PCDHA3: variants seen among roughly 807,000 people sequenced by gnomAD.
The protein encoded by PCDHA3 is protocadherin alpha 3, also known as protocadherin alpha-3.
A neutral mutation model predicts 62.2 loss-of-function variants in PCDHA3; 41 were observed. The ratio of observed to expected loss-of-function variants is 0.66; its 90% CI spans 0.51 to 0.86. PCDHA3 has a LOEUF of 0.86. Among genes scored for constraint, PCDHA3 ranks in the 40% least tolerant of loss-of-function variants. PCDHA3 has a pLI of 0.00. For missense variants in PCDHA3, 1,304 were observed against 1,241.2 expected, an observed-to-expected ratio of 1.05 and a Z score of -0.76; for synonymous variants, 640 against 555.4, an observed-to-expected ratio of 1.15 and a Z score of -2.14.
intron 1 of PCDHA3, among the ~76,000 whole-genome samples, chr5:140,936,053 C>T (rs576745037): frequency 1.2e-4 from 18 of 152,052 alleles, no homozygotes; most frequent in Middle Eastern, 3.4e-3. Flanking sequence ...CCACCACACC[C>T]GGCTAATTTT....
intron 1 of PCDHA3, chr5:140,858,119 C>T (rs1444406371): frequency 4.4e-6 from 7 of 1,597,808 alleles, no homozygotes; most frequent in South Asian, 1.1e-5. Flanking sequence ...CGAGGTGGCC[C>T]TGGTGGATGT....
rs2150119799 is a variant in PCDHA3 at position 140,822,853 on chromosome 5, G to A, written c.2394+19262G>A. Reference sequence around the variant, plus strand: ...AACCACCCTTTTCCTGCCTGTCAAAGAGGACGCTCCACTCAGCACGGTCAT... The same window carrying A: ...AACCACCCTTTTCCTGCCTGTCAAAAAGGACGCTCCACTCAGCACGGTCAT... On this transcript the variant is annotated intron_variant, in intron 1 of 3. Transcript: ENST00000522353. 68 of 1,614,082 alleles carry A rather than the reference G, an allele frequency of 4.2e-5. No individual in the cohort carries two copies. Among genetic ancestry groups the A allele is most frequent in the East Asian group, 1.6e-4 (7 of 44,900 alleles).
intron 1 of PCDHA3, chr5:140,824,185 C>A: frequency 6.2e-7 from 1 of 1,603,316 alleles, no homozygotes; most frequent in Non-Finnish European, 8.5e-7. Flanking sequence ...TATTAAATGT[C>A]ACATTCACCC....
At position 140,827,965 on chromosome 5, in the gene PCDHA3, T is replaced by C. The variant is rs2150149938; in HGVS notation, c.2394+24374T>C. ...CCAACATTCAAATTTCTTCTATTAC[T>C]GCATCATTCCCTGACTGTTGAATGA... On this transcript the variant is annotated intron_variant, in intron 1 of 3. Coordinates refer to ENST00000522353, the MANE Select transcript of PCDHA3 (RefSeq NM_018906.3). 6.1e-4 allele frequency: 813 copies of C among 1,335,936 alleles called. 3 individuals carry two copies. The highest frequency in any genetic ancestry group is 2.5e-3 in the South Asian group (173 of 69,782). 82.8% of individuals were successfully genotyped at this position (1,335,936 alleles called of 1,614,324 possible).
At chr5:140,928,555 A>T in intron 1 of PCDHA3, 1 of 1,614,240 alleles carries the variant, frequency 6.2e-7, no homozygotes, top group South Asian at 1.1e-5. Flanking sequence ...TTATCCGGTT[A>T]TCTTGTTTCC....
rs549755742 is a variant in PCDHA3 at position 140,943,684 on chromosome 5, T to C, written c.2395-35265T>C. ...ATGTATAAAGTGTGAAAAAAAGGGA[T>C]AAGGTCAAAATATTGTGGAACACAT... On this transcript the variant is annotated intron_variant, in intron 1 of 3. Transcript: ENST00000522353. Among the ~76,000 whole-genome samples, 254 of 152,102 alleles carry C rather than the reference T, an allele frequency of 1.7e-3. 2 individuals carry two copies. The highest frequency in any genetic ancestry group is 2.9e-4 in the Non-Finnish European group (20 of 67,984).
intron 1 of PCDHA3, chr5:140,882,600 A>G: frequency 6.2e-7 from 1 of 1,614,252 alleles, no homozygotes; most frequent in East Asian, 2.2e-5. Context: ...GTGATCGTGG[A>G]CAGGCCTCTG....
At chr5:140,857,787 T>C in intron 1 of PCDHA3, 1 of 1,597,564 alleles carries the variant, frequency 6.3e-7, no homozygotes, top group Non-Finnish European at 8.6e-7. Flanking sequence ...AGTGAGCTGG[T>C]GCTGCGGTCG....
intron 1 of PCDHA3, among the ~76,000 whole-genome samples, chr5:140,964,997 T>C (rs144251011): frequency 3.9e-5 from 6 of 152,316 alleles, no homozygotes; most frequent in African/African-American, 1.4e-4. Context: ...CTTTGAATTC[T>C]GGGTGTCAGG....
At position 140,882,742 on chromosome 5, in the gene PCDHA3, C is replaced by G. The variant is rs372229324; in HGVS notation, c.2394+79151C>G. Reference sequence around the variant, plus strand: ...CTCGATTTCCACTAGATGGCGCATCCGATGCAGATATTGGAGTAAACTCGG... The same window carrying G: ...CTCGATTTCCACTAGATGGCGCATCGGATGCAGATATTGGAGTAAACTCGG... On this transcript the variant is annotated intron_variant, in intron 1 of 3. Coordinates refer to ENST00000522353, the MANE Select transcript of PCDHA3 (RefSeq NM_018906.3). 126 of 1,614,092 alleles carry G rather than the reference C, an allele frequency of 7.8e-5. 1 individual carries two copies. The Middle Eastern group carries it at 1.6e-3, about 21-fold the overall frequency.
chr5:140,801,959 T>G lies in PCDHA3; in HGVS notation c.762T>G (p.Asn254Lys), dbSNP rs1554121786. 3 of 1,614,172 alleles carry G rather than the reference T, an allele frequency of 1.9e-6. No homozygotes were observed. In the South Asian group the frequency reaches 3.3e-5, roughly 18 times the overall value. Residue 254 changes from asparagine to lysine, a missense_variant, in exon 1 of 4, where the codon AAT becomes AAG. By Grantham distance (94) the Asn-to-Lys change is moderately conservative. Coordinates refer to ENST00000522353, the MANE Select transcript of PCDHA3 (RefSeq NM_018906.3). ...RTIYKVRLLE[N>K]APNGTLVVTV... ...TCTATAAAGTCAGATTACTCGAAAA[T>G]GCACCAAATGGTACCCTAGTGGTGA...
chr5:140,836,613 G>T (rs2150265622), intron 1 of PCDHA3: 1 of 1,613,634 alleles, frequency 6.2e-7, no homozygotes, highest in Non-Finnish European at 8.5e-7. Flanking sequence ...GTGCTCCAGC[G>T]CGGTGGGGAG....
intron 1 of PCDHA3, among the ~76,000 whole-genome samples, chr5:140,941,768 T>C (rs576405772): frequency 2.6e-5 from 4 of 152,254 alleles, no homozygotes; most frequent in Non-Finnish European, 5.9e-5. Context: ...TTTAAGATAA[T>C]TGTTTTAATG....
intron 1 of PCDHA3, chr5:140,841,712 C>T (rs1444200684): frequency 9.9e-6 from 16 of 1,613,754 alleles, no homozygotes; most frequent in Non-Finnish European, 1.4e-5. Flanking sequence ...TGACAACCCG[C>T]CAGTGTTCCG....
At chr5:140,850,796 C>T (rs1344673921) in intron 1 of PCDHA3, 7 of 1,598,190 alleles carry the variant, frequency 4.4e-6, no homozygotes, top group African/African-American at 1.3e-5. Context: ...AGCAGAAGAC[C>T]GACCTCATGG....
At chr5:140,940,593 A>G (rs2092648765) in intron 1 of PCDHA3, among the ~76,000 whole-genome samples, 1 of 152,170 alleles carries the variant, frequency 6.6e-6, no homozygotes, top group Non-Finnish European at 1.5e-5. Flanking sequence ...GATTTCAGGC[A>G]TGAGCCGCTG....
chr5:140,828,231 G>A (rs1554131117), intron 1 of PCDHA3: 2 of 1,613,882 alleles, frequency 1.2e-6, no homozygotes, highest in Admixed American at 1.7e-5. Flanking sequence ...TTCGTGGGCC[G>A]GATCGCGCAG....
chr5:140,899,584 G>A (rs2153464513), intron 1 of PCDHA3, among the ~76,000 whole-genome samples: 1 of 152,292 alleles, frequency 6.6e-6, no homozygotes, highest in African/African-American at 2.4e-5. Flanking sequence ...CGGTTTGCCA[G>A]TATTTTATTG....
At chr5:141,003,680 T>C (rs1167133667) in intron 3 of PCDHA3, among the ~76,000 whole-genome samples, 1 of 152,198 alleles carries the variant, frequency 6.6e-6, no homozygotes, top group African/African-American at 2.4e-5. Flanking sequence ...GTTGTTCTGA[T>C]TTTAAAATAT....
Sources: allele counts gnomAD v4.1 joint callset (sites outside exome capture counted in the v4.1 genomes callset), GRCh38; gene constraint gnomAD v4.1.1; transcripts MANE v1.5; gene names NCBI Gene and HGNC (gene_info 2026-07-23, HGNC 2026-07-21).